The following PRKG1 variants were observed in gnomAD, a reference collection of about 807,000 sequenced individuals.
PRKG1 encodes protein kinase cGMP-dependent 1.
In PRKG1, 35 loss-of-function variants were observed where a neutral mutation model predicts 88.1. That is an observed-to-expected ratio of 0.40 (90% CI 0.30 to 0.53). The LOEUF is 0.53. PRKG1 is among the 20% of genes least tolerant of loss of function. PRKG1 has a pLI of 0.59. For missense variants in PRKG1, 540 were observed against 839.8 expected, an observed-to-expected ratio of 0.64 and a Z score of 4.41; for synonymous variants, 303 against 292.5, an observed-to-expected ratio of 1.04 and a Z score of -0.37.
chr10:50,991,684 C>G lies in PRKG1; in HGVS notation c.266+40C>G, dbSNP rs1301506110. On this transcript the variant is annotated intron_variant, in intron 1 of 17. Coordinates refer to the PRKG1 transcript ENST00000401604. This position sits in a 1 kb window ranked among gnomAD's most constrained non-coding sequence, Gnocchi z 4.5. ...CGTGGGCCCGGGCGCTCGTCCCGGC[C>G]CGCGGCGCAGAGGCTGGGGGCTCTG... is the stretch of plus-strand genomic sequence containing the variant. 1 of 1,390,340 alleles carries G rather than the reference C, an allele frequency of 7.2e-7. No homozygotes were observed. Among genetic ancestry groups the G allele is most frequent in the South Asian group, 1.5e-5 (1 of 67,042 alleles). The allele number at this position is 1,390,340 out of a possible 1,614,324, so 86.1% of individuals were successfully genotyped here.
chr10:51,940,451 T>C (rs1315664698), intron 5 of PRKG1, among the ~76,000 whole-genome samples: 3 of 151,900 alleles, frequency 2.0e-5, no homozygotes, highest in Non-Finnish European at 4.4e-5. Flanking sequence ...ATGTGATATG[T>C]GAATATAGGG....
At chr10:51,573,950 A>G (rs967032058) in intron 3 of PRKG1, among the ~76,000 whole-genome samples, 3 of 151,932 alleles carry the variant, frequency 2.0e-5, no homozygotes, top group Non-Finnish European at 4.4e-5. Context: ...ATAGAAATAG[A>G]CAAGAAGCAC....
intron 2 of PRKG1, among the ~76,000 whole-genome samples, chr10:51,365,805 G>A (rs1476165143): frequency 6.6e-6 from 1 of 151,794 alleles, no homozygotes; most frequent in Non-Finnish European, 1.5e-5. Flanking sequence ...TCCACTATAT[G>A]CATATTCTTA....
At chr10:51,987,322 T>G (rs1844186537) in intron 5 of PRKG1, among the ~76,000 whole-genome samples, 1 of 152,000 alleles carries the variant, frequency 6.6e-6, no homozygotes, top group Non-Finnish European at 1.5e-5. Flanking sequence ...TCGAGGGTTA[T>G]GTGGTTCAAG....
chr10:51,674,486 T>A (rs953542931), intron 3 of PRKG1, among the ~76,000 whole-genome samples: 7 of 152,208 alleles, frequency 4.6e-5, no homozygotes, highest in Non-Finnish European at 8.8e-5. Flanking sequence ...CAAATTTTCA[T>A]ATCGTATTAA....
intron 5 of PRKG1, among the ~76,000 whole-genome samples, chr10:51,911,550 T>C (rs1262827214): frequency 6.6e-6 from 1 of 152,192 alleles, no homozygotes; most frequent in Non-Finnish European, 1.5e-5. Flanking sequence ...ATACCAATGC[T>C]GAATTAAAAT....
chr10:51,178,630 C>A (rs1564628673), intron 2 of PRKG1, among the ~76,000 whole-genome samples: 1 of 152,046 alleles, frequency 6.6e-6, no homozygotes, highest in East Asian at 1.9e-4. Context: ...GAGTGAGAAC[C>A]CTGTCTCAAA....
intron 2 of PRKG1, among the ~76,000 whole-genome samples, chr10:51,187,638 C>T (rs557505958): frequency 6.6e-6 from 1 of 152,054 alleles, no homozygotes; most frequent in East Asian, 1.9e-4. Context: ...TTTCATGCCT[C>T]AGTGATGGGT....
chr10:51,020,616 A>G (rs936580236), intron 1 of PRKG1, among the ~76,000 whole-genome samples: 14 of 152,204 alleles, frequency 9.2e-5, no homozygotes, highest in East Asian at 1.9e-4. Context: ...CTCATATTGT[A>G]TTCTCAAAAT....
rs573323429 is a variant in PRKG1 at position 52,110,559 on chromosome 10, A to G, written c.936-23281A>G. On this transcript the variant is annotated intron_variant, in intron 7 of 17. Coordinates refer to ENST00000373980, the MANE Select transcript of PRKG1 (RefSeq NM_006258.4). ...AAATTGAGGCATGTTGTGCAGAGGC[A>G]GGGAGGGAAGATAGGAAAAGAGAAT... Among the ~76,000 whole-genome samples the G allele has an allele frequency of 3.7e-4, 57 of 152,196 alleles. No homozygotes were observed. In the Middle Eastern group the frequency reaches 0.01, roughly 27 times the overall value.
At chr10:51,044,576 T>C (rs1233568623) in intron 1 of PRKG1, among the ~76,000 whole-genome samples, 2 of 152,142 alleles carry the variant, frequency 1.3e-5, no homozygotes, top group African/African-American at 4.8e-5. Context: ...GGAAATTTTT[T>C]TTTTTATTGG....
intron 3 of PRKG1, chr10:51,697,764 G>T: frequency 6.2e-7 from 1 of 1,614,094 alleles, no homozygotes; most frequent in Non-Finnish European, 8.5e-7. Flanking sequence ...CTTTGCTCAG[G>T]GGGCAGCATG....
intron 2 of PRKG1, among the ~76,000 whole-genome samples, chr10:51,393,716 G>A (rs1420327895): frequency 1.3e-5 from 2 of 152,140 alleles, no homozygotes; most frequent in Admixed American, 1.3e-4. Context: ...TTCCAAAGGA[G>A]AGCAGTGCTA....
intron 3 of PRKG1, among the ~76,000 whole-genome samples, chr10:51,515,121 TAAGTA>T (rs1357838430): frequency 1.3e-5 from 2 of 152,148 alleles, no homozygotes; most frequent in Non-Finnish European, 2.9e-5. Flanking sequence ...TTTATATAAA[TAAGTA>T]AAATAAATAA....
chr10:52,124,811 G>A (rs576074434), intron 7 of PRKG1, among the ~76,000 whole-genome samples: 10 of 150,448 alleles, frequency 6.6e-5, no homozygotes, highest in East Asian at 2.0e-4. Flanking sequence ...TTTACTTTTC[G>A]AAGTTTTTTT....
At chr10:51,255,148 C>T (rs1281342380) in intron 2 of PRKG1, among the ~76,000 whole-genome samples, 2 of 151,954 alleles carry the variant, frequency 1.3e-5, no homozygotes, top group East Asian at 1.9e-4. Flanking sequence ...TTTATATAAA[C>T]ATACAGAATT....
intron 2 of PRKG1, among the ~76,000 whole-genome samples, chr10:51,392,142 T>C (rs898726423): frequency 6.6e-6 from 1 of 152,142 alleles, no homozygotes; most frequent in Non-Finnish European, 1.5e-5. Flanking sequence ...TGAATTTTTT[T>C]TTTTTTTAAT....
chr10:51,010,293 A>G (rs1842978674), intron 1 of PRKG1, among the ~76,000 whole-genome samples: 1 of 152,260 alleles, frequency 6.6e-6, no homozygotes, highest in Admixed American at 6.5e-5. Context: ...TCTCACTCAG[A>G]TTTGCACAGG....
intron 3 of PRKG1, among the ~76,000 whole-genome samples, chr10:51,629,598 T>G (rs1839472854): frequency 6.6e-6 from 1 of 152,126 alleles, no homozygotes; most frequent in Admixed American, 6.5e-5. Context: ...TTTTCAGTGC[T>G]TTTGTGGCAA....
Sources: allele counts gnomAD v4.1 joint callset (sites outside exome capture counted in the v4.1 genomes callset), GRCh38; gene constraint gnomAD v4.1.1; non-coding constraint Gnocchi (gnomAD v3.1); transcripts MANE v1.5; gene names NCBI Gene and HGNC (gene_info 2026-07-23, HGNC 2026-07-21).